Variants in TENM1 observed in about 807,000 individuals in gnomAD.
TENM1 encodes the protein teneurin transmembrane protein 1, also known as teneurin-1.
Under a neutral mutation model 174.8 loss-of-function variants are expected in TENM1, and 35 were observed. The observed-to-expected ratio is 0.20, with a 90% CI of 0.15 to 0.27. TENM1 has a LOEUF of 0.27. Among genes scored for constraint, TENM1 ranks in the 10% least tolerant of loss-of-function variants. The probability of loss-of-function intolerance (pLI) is 1.00; values close to 1 mark genes in which losing one functional copy is unlikely to be tolerated. For missense variants in TENM1, 1,633 were observed against 2,130.1 expected, an observed-to-expected ratio of 0.77 and a Z score of 4.59; for synonymous variants, 781 against 798.7, an observed-to-expected ratio of 0.98 and a Z score of 0.37.
chrX:124,874,436 A>T (rs2057162654), intron 3 of TENM1, among the ~76,000 whole-genome samples: 1 of 109,403 alleles, frequency 9.1e-6, no homozygotes, highest in Non-Finnish European at 1.9e-5. Context: ...TTTCTATTAC[A>T]TTATTTGGAT....
intron 23 of TENM1, among the ~76,000 whole-genome samples, chrX:124,451,726 T>C (rs1198034503): frequency 1.2e-4 from 13 of 111,554 alleles, no homozygotes; most frequent in African/African-American, 4.2e-4. Flanking sequence ...CACACATCTA[T>C]AGCTATCTGA....
chrX:124,753,673 A>G (rs932484649), intron 3 of TENM1, among the ~76,000 whole-genome samples: 1 of 111,058 alleles, frequency 9.0e-6, no homozygotes, highest in African/African-American at 3.3e-5. Flanking sequence ...ATTAATACCT[A>G]ATTTATTGAG....
chrX:124,708,112 CA>C (rs747745724), intron 4 of TENM1, among the ~76,000 whole-genome samples: 1 of 112,314 alleles, frequency 8.9e-6, no homozygotes, highest in Non-Finnish European at 1.9e-5. Context: ...TAATGTACAA[CA>C]AAAAATTTCA....
chrX:125,071,820 T>C, the TENM1 span, among the ~76,000 whole-genome samples: 1 of 111,509 alleles, frequency 9.0e-6, no homozygotes, highest in Non-Finnish European at 1.9e-5. Context: ...TAGCCATTTC[T>C]TTTTTGTCTT....
At chrX:124,472,159 G>A (rs2061340491) in intron 22 of TENM1, among the ~76,000 whole-genome samples, 1 of 107,473 alleles carries the variant, frequency 9.3e-6, no homozygotes, top group African/African-American at 3.4e-5. Flanking sequence ...GAAGAGAGGA[G>A]ACAAAAAGTT....
chrX:124,718,597 G>A (rs1471327012), intron 4 of TENM1, among the ~76,000 whole-genome samples: 2 of 112,047 alleles, frequency 1.8e-5, no homozygotes, highest in Non-Finnish European at 3.8e-5. Flanking sequence ...ATGCAGAGAG[G>A]CTCAGATTTA....
In TENM1 at chrX:124,671,964, T is replaced by TA. The variant is rs1290269931; in HGVS notation, c.1016-130dup. 8.4e-6 allele frequency: 5 copies of TA among 595,179 alleles called. No homozygotes were observed. The African/African-American group carries it at 9.1e-5, about 11-fold the overall frequency. The allele number at this position is 595,179 out of a possible 1,213,427, so 49.0% of individuals were successfully genotyped here. ...TAGTTAGGCCAAGTAACTGGGAGTT[T>TA]ATACCTATACATCATACATGTAGCT... On this transcript the variant is annotated intron_variant, in intron 5 of 31. Transcript: ENST00000422452.
At chrX:124,983,307 C>T in the TENM1 span, among the ~76,000 whole-genome samples, 5 of 111,693 alleles carry the variant, frequency 4.5e-5, no homozygotes, top group African/African-American at 6.5e-5. Context: ...CCTCATTGTT[C>T]GCTGCCATTG....
chrX:124,392,303 G>A lies in TENM1; in HGVS notation c.5437C>T (p.Arg1813Cys), dbSNP rs779162769. 5 of 1,206,602 alleles carry A rather than the reference G, an allele frequency of 4.1e-6. No homozygotes were observed. The highest frequency in any genetic ancestry group is 2.2e-5 in the Admixed American group (1 of 45,616). ...TGGTCATCATAGATCTTTCCTGTGC[G>A]GGTTATATGATCAAAATCTATGGAG... is the stretch of plus-strand genomic sequence containing the variant. Residue 1813 changes from arginine to cysteine, a missense_variant, in exon 28 of 32, where the codon CGC becomes TGC. This residue lies in a region of TENM1 where 807 missense variants were observed against 1,125.3 expected (regional missense o/e 0.72). Coordinates refer to ENST00000422452, the Ensembl canonical transcript of TENM1.
the TENM1 span, among the ~76,000 whole-genome samples, chrX:125,191,683 C>T: frequency 1.8e-5 from 2 of 111,828 alleles, no homozygotes; most frequent in Non-Finnish European, 3.8e-5. Flanking sequence ...TTTATTATTA[C>T]TTGTAATGCT....
intron 27 of TENM1, among the ~76,000 whole-genome samples, chrX:124,402,343 G>C (rs1157718781): frequency 3.6e-5 from 4 of 112,255 alleles, no homozygotes; most frequent in Non-Finnish European, 7.5e-5. Flanking sequence ...CAGGACCTCA[G>C]GGAGTAGCCT....
intron 3 of TENM1, among the ~76,000 whole-genome samples, chrX:124,771,170 A>G (rs1297962119): frequency 8.9e-6 from 1 of 112,547 alleles, no homozygotes; most frequent in African/African-American, 3.2e-5. Context: ...GAGTGAAACA[A>G]TGTGTTATTA....
the TENM1 span, among the ~76,000 whole-genome samples, chrX:125,185,838 T>A: frequency 8.9e-6 from 1 of 112,175 alleles, no homozygotes; most frequent in Non-Finnish European, 1.9e-5. Flanking sequence ...GTTGTGAATA[T>A]AAGAACATTC....
chrX:125,103,286 G>A, the TENM1 span, among the ~76,000 whole-genome samples: 1 of 111,099 alleles, frequency 9.0e-6, no homozygotes, highest in South Asian at 3.8e-4. Flanking sequence ...ACTGTAAAAT[G>A]GTACCTAAAT....
chrX:125,187,989 T>C, the TENM1 span, among the ~76,000 whole-genome samples: 24 of 111,713 alleles, frequency 2.1e-4, no homozygotes, highest in African/African-American at 7.5e-4. Context: ...ATTACTCATA[T>C]ATAGAAAGTT....
At chrX:124,918,293 C>T (rs1319752828) in intron 1 of TENM1, among the ~76,000 whole-genome samples, 2 of 110,022 alleles carry the variant, frequency 1.8e-5, no homozygotes, top group Non-Finnish European at 3.8e-5. Flanking sequence ...GATTCTCCAG[C>T]TTCAGCCTCC....
intron 14 of TENM1, 98 bp downstream of exon 17, chrX:124,561,573 C>G: frequency 1.0e-6 from 1 of 969,280 alleles, no homozygotes; most frequent in Non-Finnish European, 1.4e-6. Context: ...ATCATTTATA[C>G]TAGAGATTCC....
At chrX:124,504,607 T>C (rs900560798) in intron 18 of TENM1, among the ~76,000 whole-genome samples, 1 of 111,659 alleles carries the variant, frequency 9.0e-6, no homozygotes, top group East Asian at 2.8e-4. Flanking sequence ...CTCATTATAC[T>C]GCATATCCTG....
intron 1 of TENM1, among the ~76,000 whole-genome samples, chrX:124,947,860 T>A (rs113668431): frequency 1.1e-3 from 126 of 112,070 alleles, no homozygotes; most frequent in African/African-American, 3.9e-3. Context: ...TATCCTAACC[T>A]TTCAAGGAAG....
Sources: allele counts gnomAD v4.1 joint callset (sites outside exome capture counted in the v4.1 genomes callset), GRCh38; gene constraint gnomAD v4.1.1; regional missense constraint gnomAD v4.1.1; transcripts MANE v1.5; gene names NCBI Gene and HGNC (gene_info 2026-07-23, HGNC 2026-07-21).